CCDC191: variants seen among roughly 807,000 people sequenced by gnomAD.
CCDC191 encodes the protein coiled-coil domain containing 191.
CCDC191 carries 99 observed loss-of-function variants against 114.0 expected under a neutral mutation model. That is an observed-to-expected ratio of 0.87 (90% confidence interval 0.74 to 1.03). The LOEUF is 1.03. CCDC191 is among the 50% of genes least tolerant of loss of function. The pLI is 0.00. For synonymous variants in CCDC191, 351 were observed against 376.0 expected, an observed-to-expected ratio of 0.93 and a Z score of 0.77; for missense variants, 973 against 1,087.0, an observed-to-expected ratio of 0.90 and a Z score of 1.47.
intron 9 of CCDC191, among the ~76,000 whole-genome samples, chr3:114,006,606 A>ATATATATATATAAATATATATATT (rs2075968570): frequency 7.5e-6 from 1 of 133,534 alleles, no homozygotes; most frequent in South Asian, 2.3e-4. Context: ...ATATATATAT[A>ATATATATATATAAATATATATATT]TATATATATA....
At chr3:113,968,808 C>G (rs1940499244) in intron 16 of CCDC191, among the ~76,000 whole-genome samples, 1 of 151,900 alleles carries the variant, frequency 6.6e-6, no homozygotes. Flanking sequence ...GAGTTCCTTA[C>G]ATATTCTAGT....
At chr3:114,047,020 T>C (rs2076639424) in intron 2 of CCDC191, 1 of 954,382 alleles carries the variant, frequency 1.0e-6, no homozygotes, top group Admixed American at 6.2e-5. Context: ...TTTAGGGCAT[T>C]AGTGATAGGA....
At chr3:114,034,721 G>A (rs1188951797) in intron 6 of CCDC191, among the ~76,000 whole-genome samples, 2 of 152,140 alleles carry the variant, frequency 1.3e-5, no homozygotes, top group African/African-American at 4.8e-5. Flanking sequence ...GTACTTTATG[G>A]TTGTATAATT....
At chr3:114,049,250 A>G (rs1187414837) in intron 2 of CCDC191, among the ~76,000 whole-genome samples, 2 of 152,144 alleles carry the variant, frequency 1.3e-5, no homozygotes, top group African/African-American at 2.4e-5. Flanking sequence ...TTCCCATATT[A>G]TTTCTGATAG....
At chr3:114,040,229 G>A (rs933300084) in intron 4 of CCDC191, among the ~76,000 whole-genome samples, 1 of 152,172 alleles carries the variant, frequency 6.6e-6, no homozygotes, top group Non-Finnish European at 1.5e-5. Flanking sequence ...CATAGCTTAG[G>A]TGTGTAGTAG....
chr3:113,974,455 G>A (rs1010620614), intron 16 of CCDC191, among the ~76,000 whole-genome samples: 2 of 152,026 alleles, frequency 1.3e-5, no homozygotes, highest in Non-Finnish European at 2.9e-5. Context: ...GAGTAGGTGG[G>A]ACTACAGATG....
chr3:113,968,116 A>G (rs887100971), intron 16 of CCDC191, among the ~76,000 whole-genome samples: 1 of 152,088 alleles, frequency 6.6e-6, no homozygotes, highest in South Asian at 2.1e-4. Flanking sequence ...TATCTCTTGG[A>G]TGTATTGATT....
chr3:114,019,386 G>A (rs1304387745), intron 7 of CCDC191, among the ~76,000 whole-genome samples: 1 of 152,106 alleles, frequency 6.6e-6, no homozygotes, highest in Non-Finnish European at 1.5e-5. Context: ...TACTACCACT[G>A]ACCACTTTAG....
chr3:113,989,544 A>C (rs1164948521), intron 13 of CCDC191, among the ~76,000 whole-genome samples: 1 of 152,362 alleles, frequency 6.6e-6, no homozygotes, highest in Middle Eastern at 3.4e-3. Context: ...AAAATTAAAG[A>C]ATAAACTTCT....
chr3:113,965,322 A>T lies in CCDC191; in HGVS notation c.2644T>A (p.Phe882Ile). 1 of 1,609,122 alleles carries T rather than the reference A, an allele frequency of 6.2e-7. No individual in the cohort carries two copies. The highest frequency in any genetic ancestry group is 8.5e-7 in the Non-Finnish European group (1 of 1,177,842). Residue 882 changes from phenylalanine (F) to isoleucine (I), a missense_variant, in exon 17 of 17, where the codon TTT (phenylalanine) becomes ATT (isoleucine). Transcript: ENST00000295878. Reference protein sequence around the residue: ...LWITLRTWKKFVKFMKEERVK... With the variant: ...LWITLRTWKKIVKFMKEERVK... Reference sequence around the variant, plus strand: ...CTTTCCTCTTTCATAAATTTTACAAACTTCTTCCATGTCCGAAGGGTGATC... The same window carrying T: ...CTTTCCTCTTTCATAAATTTTACAATCTTCTTCCATGTCCGAAGGGTGATC...
intron 6 of CCDC191, 144 bp from the exon 7 acceptor site, chr3:114,031,923 G>A: frequency 1.9e-6 from 1 of 531,444 alleles, no homozygotes; most frequent in Non-Finnish European, 3.3e-6. Context: ...ACATAGTAGG[G>A]TAATTTTTTT....
At chr3:114,055,351 C>T (rs1194106604) in intron 1 of CCDC191, among the ~76,000 whole-genome samples, 1 of 152,188 alleles carries the variant, frequency 6.6e-6, no homozygotes, top group Non-Finnish European at 1.5e-5. Context: ...TATATCCTAT[C>T]TTGGATCCAA....
chr3:114,014,132 A>C (rs935764130), intron 8 of CCDC191, among the ~76,000 whole-genome samples: 2 of 152,234 alleles, frequency 1.3e-5, no homozygotes, highest in African/African-American at 4.8e-5. Flanking sequence ...GAGTGCTGTA[A>C]TCTGATGCAG....
At chr3:114,011,194 A>T (rs1472660975) in intron 8 of CCDC191, among the ~76,000 whole-genome samples, 173 bp from the exon 9 acceptor site, 5 of 152,252 alleles carry the variant, frequency 3.3e-5, no homozygotes, top group Non-Finnish European at 7.3e-5. Context: ...AGTGCAAAGG[A>T]TCTCCTCATA....
chr3:114,056,535 G>T (rs759476252), upstream of CCDC191: 5 of 1,610,692 alleles, frequency 3.1e-6, no homozygotes, highest in African/African-American at 5.3e-5. Context: ...CTGCCTCCGG[G>T]TCACGCTGGG....
At chr3:114,047,602 C>A (rs1294816773) in intron 2 of CCDC191, among the ~76,000 whole-genome samples, 1 of 151,852 alleles carries the variant, frequency 6.6e-6, no homozygotes, top group Non-Finnish European at 1.5e-5. Context: ...GGGTTGGGAC[C>A]ACAGTGAGCT....
intron 7 of CCDC191, among the ~76,000 whole-genome samples, chr3:114,023,550 G>C (rs1440792675): frequency 6.6e-6 from 1 of 151,946 alleles, no homozygotes; most frequent in African/African-American, 2.4e-5. Context: ...GAAATAATGT[G>C]ACATATGTAC....
chr3:113,965,896 GTTATTT>G (rs1451878178), intron 16 of CCDC191, among the ~76,000 whole-genome samples: 1 of 152,004 alleles, frequency 6.6e-6, no homozygotes, highest in Non-Finnish European at 1.5e-5. Context: ...TGCCTGGCCA[GTTATTT>G]TTATTTTTGA....
In CCDC191 at chr3:114,036,704, TACC is replaced by T; in HGVS notation, c.495_497del (p.Val166del). ...CAAGATCTTCCATCATTGCAGAATC[TACC>T]ACATTTTTATGGAGCAGATGGTCTA... On this transcript the variant is annotated inframe_deletion, in exon 5 of 17. Coordinates refer to ENST00000295878, the MANE Select transcript of CCDC191 (RefSeq NM_020817.2). The T allele has an allele frequency of 6.2e-7, 1 of 1,601,604 alleles. No homozygotes were observed. The highest frequency in any genetic ancestry group is 1.1e-5 in the South Asian group (1 of 89,676).
Sources: allele counts gnomAD v4.1 joint callset (sites outside exome capture counted in the v4.1 genomes callset), GRCh38; gene constraint gnomAD v4.1.1; transcripts MANE v1.5; gene names NCBI Gene and HGNC (gene_info 2026-07-23, HGNC 2026-07-21).